The following CYRIA variants were observed in gnomAD, a reference collection of about 807,000 sequenced individuals.
The protein encoded by CYRIA is CYFIP-related Rac1 interactor A.
CYRIA carries 15 observed loss-of-function variants against 43.9 expected under a neutral mutation model. The ratio of observed to expected loss-of-function variants is 0.34; its 90% CI spans 0.23 to 0.53. The LOEUF (loss-of-function observed/expected upper bound fraction) is 0.53. Among genes scored for constraint, CYRIA ranks in the 20% least tolerant of loss-of-function variants. CYRIA has a pLI of 0.94. For synonymous variants in CYRIA, 117 were observed against 136.0 expected (o/e 0.86, Z 0.97); for missense variants, 236 against 394.2 (o/e 0.60, Z 3.40).
chr2:16,578,698 A>C (rs1224219553), intron 3 of CYRIA, among the ~76,000 whole-genome samples: 1 of 152,118 alleles, frequency 6.6e-6, no homozygotes, highest in Non-Finnish European at 1.5e-5. Flanking sequence ...TTGAAGACAG[A>C]CCAATAAAAA....
intron 1 of CYRIA, chr2:16,625,774 A>T (rs148735773): frequency 6.6e-6 from 1 of 151,888 alleles, no homozygotes; most frequent in African/African-American, 2.4e-5. Context: ...AAGGATCTGG[A>T]AACAAGAGAA....
intron 1 of CYRIA, among the ~76,000 whole-genome samples, chr2:16,624,347 A>G (rs1026734786): frequency 1.3e-5 from 2 of 152,208 alleles, no homozygotes; most frequent in African/African-American, 4.8e-5. Flanking sequence ...TTGACCTTGA[A>G]TGGGAAGTCT....
At chr2:16,657,731 C>A (rs1670155581) in intron 1 of CYRIA, among the ~76,000 whole-genome samples, 1 of 152,134 alleles carries the variant, frequency 6.6e-6, no homozygotes, top group African/African-American at 2.4e-5. Flanking sequence ...AGATGTGCTT[C>A]CAAATTCAGA....
At chr2:16,554,391 T>C (rs138588444) in intron 11 of CYRIA, among the ~76,000 whole-genome samples, 12 of 152,240 alleles carry the variant, frequency 7.9e-5, no homozygotes, top group Middle Eastern at 3.4e-3. Flanking sequence ...CTCTCTGAAA[T>C]GGATTAAGCA....
At chr2:16,555,188 A>T in intron 10 of CYRIA, 49 bp from the exon 11 acceptor site, 1 of 1,483,150 alleles carries the variant, frequency 6.7e-7, no homozygotes, top group Non-Finnish European at 9.3e-7. Context: ...AATACTGTCT[A>T]TGCCAATATC....
intron 1 of CYRIA, chr2:16,625,772 G>A (rs529853924): frequency 6.6e-6 from 1 of 152,116 alleles, no homozygotes; most frequent in African/African-American, 2.4e-5. Flanking sequence ...AAAAGGATCT[G>A]GAAACAAGAG....
At chr2:16,619,822 G>C (rs1173812525) in intron 2 of CYRIA, among the ~76,000 whole-genome samples, 2 of 152,202 alleles carry the variant, frequency 1.3e-5, no homozygotes, top group African/African-American at 2.4e-5. Flanking sequence ...CCATGACAGA[G>C]AAATGAATGT....
intron 2 of CYRIA, among the ~76,000 whole-genome samples, chr2:16,593,599 C>T (rs1484582993): frequency 2.6e-5 from 4 of 151,506 alleles, no homozygotes; most frequent in Admixed American, 6.6e-5. Flanking sequence ...AATTCCCGAA[C>T]ATAAACAAAT....
At chr2:16,589,431 T>C (rs1467349194) in intron 2 of CYRIA, among the ~76,000 whole-genome samples, 1 of 152,068 alleles carries the variant, frequency 6.6e-6, no homozygotes. Flanking sequence ...TTTGCAGACA[T>C]ACTCCCCGAT....
intron 3 of CYRIA, among the ~76,000 whole-genome samples, chr2:16,582,540 G>A (rs999574252): frequency 1.3e-5 from 2 of 151,982 alleles, no homozygotes; most frequent in Non-Finnish European, 2.9e-5. Flanking sequence ...CCCCACCTCC[G>A]GGCCTAGACA....
At chr2:16,572,022 C>G (rs775592013) in intron 3 of CYRIA, among the ~76,000 whole-genome samples, 3 of 152,172 alleles carry the variant, frequency 2.0e-5, no homozygotes, top group Non-Finnish European at 4.4e-5. Context: ...AAGCCCTTTT[C>G]TATAGAACAA....
intron 1 of CYRIA, among the ~76,000 whole-genome samples, chr2:16,649,728 G>A (rs992076867): frequency 4.0e-5 from 6 of 151,718 alleles, no homozygotes; most frequent in East Asian, 1.9e-4. Context: ...TACAGGGGAT[G>A]GCTATACAGC....
chr2:16,564,940 A>G (rs1666874576), intron 4 of CYRIA, among the ~76,000 whole-genome samples: 1 of 152,208 alleles, frequency 6.6e-6, no homozygotes, highest in African/African-American at 2.4e-5. Context: ...AACCTGCCTG[A>G]GTAATTACCA....
intron 1 of CYRIA, among the ~76,000 whole-genome samples, chr2:16,647,145 CA>C (rs1280814646): frequency 6.6e-6 from 1 of 152,150 alleles, no homozygotes; most frequent in Non-Finnish European, 1.5e-5. Context: ...TACCAGGTAA[CA>C]GGGGATGTGT....
At chr2:16,556,260 C>G (rs540113458) in intron 10 of CYRIA, among the ~76,000 whole-genome samples, 7 of 152,166 alleles carry the variant, frequency 4.6e-5, no homozygotes, top group Middle Eastern at 3.4e-3. Context: ...GTGAGGATCA[C>G]TACAGGTGCA....
chr2:16,617,126 G>A (rs1371854399), intron 2 of CYRIA, among the ~76,000 whole-genome samples: 1 of 152,220 alleles, frequency 6.6e-6, no homozygotes, highest in African/African-American at 2.4e-5. Flanking sequence ...ATAGATGGCT[G>A]TTCCCCTTCT....
intron 1 of CYRIA, among the ~76,000 whole-genome samples, chr2:16,664,185 C>T (rs1262425557): frequency 6.6e-6 from 1 of 152,162 alleles, no homozygotes; most frequent in Non-Finnish European, 1.5e-5. Context: ...CTGCTGCCCC[C>T]TTCCCAGAGC....
At chr2:16,602,613 C>T (rs1353587089) in intron 2 of CYRIA, among the ~76,000 whole-genome samples, 1 of 152,038 alleles carries the variant, frequency 6.6e-6, no homozygotes, top group African/African-American at 2.4e-5. Flanking sequence ...AATATACAGG[C>T]CCCCTACATC....
chr2:16,605,663 C>T (rs1242771767), intron 2 of CYRIA, among the ~76,000 whole-genome samples: 2 of 152,212 alleles, frequency 1.3e-5, no homozygotes, highest in Admixed American at 6.5e-5. Flanking sequence ...TTGGTTTCAA[C>T]TCCAGTCTAG....
Sources: allele counts gnomAD v4.1 joint callset (sites outside exome capture counted in the v4.1 genomes callset), GRCh38; gene constraint gnomAD v4.1.1; transcripts MANE v1.5; gene names NCBI Gene and HGNC (gene_info 2026-07-23, HGNC 2026-07-21).